Variants in HEATR4 observed in about 807,000 individuals in gnomAD.
HEATR4 encodes HEAT repeat containing 4, also known as HEAT repeat-containing protein 4.
In HEATR4, 95 loss-of-function variants were observed where a neutral mutation model predicts 108.8. The ratio of observed to expected loss-of-function variants is 0.87; its 90% CI spans 0.74 to 1.04. HEATR4 has a LOEUF of 1.04. Among genes scored for constraint, HEATR4 ranks in the 50% least tolerant of loss-of-function variants. The probability of loss-of-function intolerance (pLI) is 0.00; values close to 1 mark genes in which losing one functional copy is unlikely to be tolerated. For missense variants in HEATR4, 1,152 were observed against 1,253.8 expected (o/e 0.92, Z 1.23); for synonymous variants, 443 against 459.4 (o/e 0.96, Z 0.46).
the HEATR4 span, among the ~76,000 whole-genome samples, chr14:73,601,483 G>A: frequency 1.2e-4 from 19 of 152,198 alleles, no homozygotes; most frequent in Non-Finnish European, 2.6e-4. Flanking sequence ...AGAATTGCTG[G>A]AACCTGGGAG....
chr14:73,500,758 ACCT>A (rs1886408331), intron 11 of HEATR4, 28 bp from the exon 12 acceptor site: 1 of 1,600,472 alleles, frequency 6.2e-7, no homozygotes, highest in Non-Finnish European at 8.5e-7. Flanking sequence ...CTTTCCTTTC[ACCT>A]CCTTAAACTT....
At chr14:73,558,513 ATTTTTT>A (rs66706377) in intron 1 of HEATR4, among the ~76,000 whole-genome samples, 2 of 73,534 alleles carry the variant, frequency 2.7e-5, no homozygotes, top group South Asian at 5.8e-4. Flanking sequence ...TCTCGGTTAA[ATTTTTT>A]TTTTTTTTTT....
the HEATR4 span, chr14:73,616,959 A>G: frequency 3.2e-6 from 2 of 622,046 alleles, no homozygotes; most frequent in East Asian, 5.2e-5. Context: ...TTGAGAAACT[A>G]AAGCTCCCTG....
At chr14:73,590,497 C>T in the HEATR4 span, among the ~76,000 whole-genome samples, 192 of 152,340 alleles carry the variant, frequency 1.3e-3, 1 homozygote, top group Admixed American at 0.011. Flanking sequence ...AGCCCTTGGG[C>T]GGTCGATGGG....
At chr14:73,479,469 G>A (rs1421255207) in intron 17 of HEATR4, among the ~76,000 whole-genome samples, 1 of 116,622 alleles carries the variant, frequency 8.6e-6, no homozygotes, top group Non-Finnish European at 1.7e-5. Context: ...ACGGAGTTTC[G>A]CTCTTGTTGC....
At chr14:73,617,123 C>T in the HEATR4 span, 13 of 1,611,298 alleles carry the variant, frequency 8.1e-6, no homozygotes, top group East Asian at 4.5e-5. Flanking sequence ...AAGACCTCCC[C>T]GAAGATCTGA....
Position 73,534,807 on chromosome 14 carries a change from CTTT to C in HEATR4, c.-151-4566_-151-4564del, listed in dbSNP as rs553194860. ...TAATTTTCATGTCTTATCTTTTCTG[CTTT>C]TTTTTTTTTTTTTAAGGGATGAGGT... is the stretch of plus-strand genomic sequence containing the variant. On this transcript the variant is annotated intron_variant, in intron 1 of 17. Transcript: ENST00000553558. 8.5e-5 allele frequency among the ~76,000 whole-genome samples: 8 copies of C among 93,868 alleles called. 2 individuals are homozygous for C. In the South Asian group the frequency reaches 2.1e-3, roughly 24 times the overall value. 61.6% of individuals were successfully genotyped at this position (93,868 alleles called of 152,430 possible).
chr14:73,569,417 T>A, the HEATR4 span: 13 of 1,613,958 alleles, frequency 8.1e-6, no homozygotes, highest in African/African-American at 2.7e-5. Context: ...TCATTAGGGT[T>A]CCTGCTCGGA....
At chr14:73,592,166 C>A in the HEATR4 span, 18 of 1,602,566 alleles carry the variant, frequency 1.1e-5, no homozygotes, top group East Asian at 4.1e-4. Context: ...CCGCGCTGGG[C>A]GGCAGCTTCG....
rs372562979 is a variant in HEATR4, at chr14:73,544,050, T to C, written c.-151-13806A>G. On this transcript the variant is annotated intron_variant, in intron 1 of 17. Transcript: ENST00000553558. ...GCTCACACCTGTAATCCTAGCACTT[T>C]GGGAGGCCAAGGTGCGCGGATTACT... Among the ~76,000 whole-genome samples the C allele has an allele frequency of 5.2e-5, 6 of 114,910 alleles. 2 individuals carry two copies. The South Asian group carries it at 1.7e-3, about 32-fold the overall frequency. The allele number at this position is 114,910 out of a possible 152,430, so 75.4% of individuals were successfully genotyped here.
At position 73,492,634 on chromosome 14, in the gene HEATR4, G is replaced by C; in HGVS notation, c.2844+432C>G. On this transcript the variant is annotated intron_variant, in intron 17 of 17. Coordinates refer to ENST00000553558, the MANE Select transcript of HEATR4 (RefSeq NM_001220484.1). The surrounding 1 kb of genome is among the most constrained non-coding windows in gnomAD (Gnocchi z 4.9). ...AGGCTGGAGAACCTGTAAACGTGGG[G>C]GCCCAGTTGACAACAGAAACAGAAG... 6.2e-7 allele frequency: 1 copy of C among 1,613,988 alleles called. No individual in the cohort carries two copies.
At chr14:73,633,007 C>CT in the HEATR4 span, among the ~76,000 whole-genome samples, 41,697 of 121,014 alleles carry the variant, frequency 0.34, 7,817 homozygotes, top group Middle Eastern at 0.4. Flanking sequence ...CTCTCTCTCT[C>CT]TTTTTTTTTT....
rs780754947 is a variant in HEATR4 at position 73,520,874 on chromosome 14, G to A, written c.1047C>T (p.Thr349=). 1.2e-6 allele frequency: 2 copies of A among 1,614,056 alleles called. No individual in the cohort carries two copies. Among genetic ancestry groups the A allele is most frequent in the East Asian group, 2.2e-5 (1 of 44,868 alleles). ...AGKFAYSTDN[T]FEQEIYFDEV... ...TACCAAAGTAAATCTCCTGTTCAAAGGTGTTGTCTGTGGAGTAGGCAAACT... is the reference window on the plus strand; with the variant it reads ...TACCAAAGTAAATCTCCTGTTCAAAAGTGTTGTCTGTGGAGTAGGCAAACT... The change falls in exon 4 of 18, where the codon ACC becomes ACT. Residue 349 remains threonine (T), a synonymous_variant. Transcript: ENST00000553558.
chr14:73,597,630 G>A, the HEATR4 span, among the ~76,000 whole-genome samples: 2 of 101,618 alleles, frequency 2.0e-5, no homozygotes, highest in Admixed American at 1.6e-4. Context: ...GTCTTGCTCT[G>A]TAGCCCAGGC....
At chr14:73,547,106 G>A (rs1278855455) in intron 1 of HEATR4, among the ~76,000 whole-genome samples, 1 of 108,706 alleles carries the variant, frequency 9.2e-6, no homozygotes, top group African/African-American at 2.8e-5. Flanking sequence ...AAAAAGACCC[G>A]GTGCGGTGGC....
At chr14:73,502,299 C>G (rs1213571399) in intron 11 of HEATR4, among the ~76,000 whole-genome samples, 1 of 152,004 alleles carries the variant, frequency 6.6e-6, no homozygotes, top group East Asian at 1.9e-4. Flanking sequence ...GCCATTTGTT[C>G]TAGTTTTTAA....
the HEATR4 span, among the ~76,000 whole-genome samples, chr14:73,588,421 T>G: frequency 1.3e-5 from 2 of 152,158 alleles, no homozygotes; most frequent in African/African-American, 4.8e-5. Flanking sequence ...GTATTACACT[T>G]CTTTTAGGAG....
At chr14:73,550,283 C>G (rs1889299471) in intron 1 of HEATR4, among the ~76,000 whole-genome samples, 1 of 113,036 alleles carries the variant, frequency 8.8e-6, no homozygotes, top group African/African-American at 2.9e-5. Context: ...GGCACCCATA[C>G]AGTCAACACA....
At chr14:73,571,367 G>A in the HEATR4 span, 47,399 of 156,888 alleles carry the variant, frequency 0.3, 7,401 homozygotes, top group African/African-American at 0.37. Context: ...CCTACCCAGC[G>A]GTGCTTCTCA....
Sources: gnomAD v4.1 joint callset for allele counts (sites outside exome capture counted in the v4.1 genomes callset) on GRCh38, gnomAD v4.1.1 for gene constraint, Gnocchi (gnomAD v3.1) non-coding constraint, MANE v1.5 for transcripts, NCBI Gene and HGNC (gene_info 2026-07-23, HGNC 2026-07-21) for gene names.